Variants in SNTG1 observed in about 807,000 individuals in gnomAD.
SNTG1 encodes the protein syntrophin gamma 1.
In SNTG1, 39 loss-of-function variants were observed where a neutral mutation model predicts 74.7. That is an observed-to-expected ratio of 0.52 (90% CI 0.40 to 0.68). The LOEUF (loss-of-function observed/expected upper bound fraction) is 0.68. Among genes scored for constraint, SNTG1 ranks in the 30% least tolerant of loss-of-function variants. The pLI, the probability that SNTG1 is intolerant of heterozygous loss-of-function variation, is 0.00. For missense variants in SNTG1, 685 were observed against 609.5 expected (o/e 1.12, Z -1.30); for synonymous variants, 254 against 217.1 (o/e 1.17, Z -1.49).
intron 2 of SNTG1, among the ~76,000 whole-genome samples, chr8:50,191,193 G>C (rs1310924215): frequency 1.3e-5 from 2 of 152,100 alleles, no homozygotes; most frequent in East Asian, 1.9e-4. Flanking sequence ...ATTATGCTGT[G>C]GTGTTTCTGG....
At chr8:50,780,477 T>C (rs1003726929) in intron 18 of SNTG1, among the ~76,000 whole-genome samples, 2 of 152,240 alleles carry the variant, frequency 1.3e-5, no homozygotes, top group African/African-American at 4.8e-5. Flanking sequence ...CTAGATTTTC[T>C]AGTTTATTTG....
At chr8:49,986,843 T>C (rs113255117) in intron 1 of SNTG1, among the ~76,000 whole-genome samples, 7,822 of 152,190 alleles carry the variant, frequency 0.051, 665 homozygotes, top group African/African-American at 0.17. Context: ...TGCACTCCAC[T>C]TGGGCGTCAG....
chr8:50,173,228 A>G (rs1158944915), intron 2 of SNTG1, among the ~76,000 whole-genome samples: 1 of 152,208 alleles, frequency 6.6e-6, no homozygotes, highest in East Asian at 1.9e-4. Flanking sequence ...ATGCAGGTGG[A>G]TCAATGACCT....
At chr8:50,276,981 C>A (rs1437343879) in intron 2 of SNTG1, among the ~76,000 whole-genome samples, 1 of 152,150 alleles carries the variant, frequency 6.6e-6, no homozygotes, top group Non-Finnish European at 1.5e-5. Context: ...AGGCACCCAC[C>A]ACCACGCCTG....
chr8:50,417,949 T>G (rs1395087944), intron 4 of SNTG1, among the ~76,000 whole-genome samples: 1 of 150,376 alleles, frequency 6.6e-6, no homozygotes, highest in Non-Finnish European at 1.5e-5. Context: ...CATTTGATGA[T>G]TCCCACTGTA....
At chr8:50,084,518 T>G (rs1822701720) in intron 1 of SNTG1, among the ~76,000 whole-genome samples, 1 of 152,206 alleles carries the variant, frequency 6.6e-6, no homozygotes, top group African/African-American at 2.4e-5. Flanking sequence ...AAAATTTAGA[T>G]GACCAAAATC....
intron 1 of SNTG1, among the ~76,000 whole-genome samples, chr8:49,941,583 G>A (rs1321483121): frequency 1.3e-5 from 2 of 150,580 alleles, no homozygotes; most frequent in African/African-American, 2.4e-5. Flanking sequence ...TGGTCATGGA[G>A]GCCTTTGCAC....
intron 8 of SNTG1, among the ~76,000 whole-genome samples, chr8:50,501,703 C>T (rs1306491400): frequency 6.6e-6 from 1 of 151,562 alleles, no homozygotes; most frequent in Admixed American, 6.6e-5. Context: ...GATGATCCAC[C>T]TGCCTCGGTC....
chr8:50,136,131 C>A (rs965684305), intron 1 of SNTG1, among the ~76,000 whole-genome samples: 2 of 152,148 alleles, frequency 1.3e-5, no homozygotes, highest in South Asian at 4.1e-4. Context: ...ATATGTACCA[C>A]ATTTTCTTTA....
At chr8:50,668,416 G>T (rs1324605391) in intron 15 of SNTG1, among the ~76,000 whole-genome samples, 1 of 147,198 alleles carries the variant, frequency 6.8e-6, no homozygotes, top group Non-Finnish European at 1.5e-5. Context: ...TTCTTGTTTT[G>T]TTTTTTTTTC....
chr8:49,984,560 A>T (rs1172835529), intron 1 of SNTG1, among the ~76,000 whole-genome samples: 2 of 152,202 alleles, frequency 1.3e-5, no homozygotes, highest in African/African-American at 4.8e-5. Context: ...TTGAGATATA[A>T]AATTTTCCTT....
At chr8:50,623,234 C>G (rs901284038) in intron 13 of SNTG1, among the ~76,000 whole-genome samples, 3 of 152,038 alleles carry the variant, frequency 2.0e-5, no homozygotes, top group African/African-American at 7.2e-5. Context: ...AAGTGGGCCA[C>G]CTTGTCTTGT....
rs552170047 is a variant in SNTG1 at position 50,686,999 on chromosome 8, G to A, written c.1039-17601G>A. Among the ~76,000 whole-genome samples the A allele has an allele frequency of 7.6e-4, 115 of 151,332 alleles. 1 individual carries two copies. The highest frequency in any genetic ancestry group is 1.1e-3 in the Non-Finnish European group (72 of 67,776). On this transcript the variant is annotated intron_variant, in intron 15 of 18. Coordinates refer to ENST00000642720, the MANE Select transcript of SNTG1 (RefSeq NM_018967.5). ...AAATACAAAAAATTAGCCGGGCGCA[G>A]TGGCGGGCGCCTGTAGTCCCAGCTG...
intron 8 of SNTG1, among the ~76,000 whole-genome samples, chr8:50,481,747 A>C (rs2093742486): frequency 6.6e-6 from 1 of 152,222 alleles, no homozygotes; most frequent in South Asian, 2.1e-4. Context: ...TATATCAAGG[A>C]ATGTTTTGAT....
chr8:50,733,588 A>G (rs542836384), intron 17 of SNTG1, among the ~76,000 whole-genome samples: 1 of 151,874 alleles, frequency 6.6e-6, no homozygotes, highest in East Asian at 1.9e-4. Context: ...CCTTACCAGG[A>G]TCTGTTGTTT....
chr8:49,982,691 G>T (rs1812795048), intron 1 of SNTG1, among the ~76,000 whole-genome samples: 1 of 150,348 alleles, frequency 6.7e-6, no homozygotes, highest in Non-Finnish European at 1.5e-5. Context: ...GACCAAGGAT[G>T]CTACCTTAAC....
chr8:50,689,394 T>C (rs1284935111), intron 15 of SNTG1, among the ~76,000 whole-genome samples: 1 of 152,180 alleles, frequency 6.6e-6, no homozygotes, highest in Non-Finnish European at 1.5e-5. Flanking sequence ...TTGTCATAGA[T>C]AGCTCTTATT....
intron 1 of SNTG1, among the ~76,000 whole-genome samples, chr8:50,094,517 G>A (rs781684388): frequency 6.6e-6 from 1 of 152,114 alleles, no homozygotes; most frequent in Admixed American, 6.6e-5. Context: ...TAAAAAATGA[G>A]CAATGGATAT....
chr8:50,074,895 CCGCACT>C (rs903677711), intron 1 of SNTG1, among the ~76,000 whole-genome samples: 1 of 152,180 alleles, frequency 6.6e-6, no homozygotes, highest in Non-Finnish European at 1.5e-5. Flanking sequence ...TGTGCCCCGG[CCGCACT>C]CGCGGCGCAC....
Sources: gnomAD v4.1 joint callset for allele counts (sites outside exome capture counted in the v4.1 genomes callset) on GRCh38, gnomAD v4.1.1 for gene constraint, MANE v1.5 for transcripts, NCBI Gene and HGNC (gene_info 2026-07-23, HGNC 2026-07-21) for gene names.